MUC7: variants seen among roughly 807,000 people sequenced by gnomAD.
MUC7 encodes mucin 7, secreted, also known as mucin-7.
MUC7 carries 2 observed loss-of-function variants against 2.5 expected under a neutral mutation model. That is an observed-to-expected ratio of 0.81 (90% CI 0.33 to 2.55). The LOEUF (loss-of-function observed/expected upper bound fraction) is 2.55. Among genes scored for constraint, MUC7 ranks in the 30% most tolerant of loss-of-function variants. The pLI is 0.11. For missense variants in MUC7, 408 were observed against 455.6 expected (o/e 0.90, Z 0.95); for synonymous variants, 133 against 173.4 (o/e 0.77, Z 1.83).
chr4:70,461,747 T>C (rs1294088990), intron 1 of MUC7, among the ~76,000 whole-genome samples: 1 of 151,790 alleles, frequency 6.6e-6, no homozygotes, highest in East Asian at 1.9e-4. Flanking sequence ...GATTTGTAGA[T>C]TAGATTAGGT....
At chr4:70,462,070 C>G (rs114473487) in intron 1 of MUC7, among the ~76,000 whole-genome samples, 19 of 152,084 alleles carry the variant, frequency 1.2e-4, no homozygotes, top group African/African-American at 4.6e-4. Context: ...AAAAAGTAGC[C>G]ACTCAGGTGG....
At chr4:70,434,014 TG>T (rs1424808435) in intron 1 of MUC7, among the ~76,000 whole-genome samples, 2 of 152,346 alleles carry the variant, frequency 1.3e-5, no homozygotes, top group East Asian at 3.9e-4. Context: ...TCTGTTTACA[TG>T]ATGGATTACG....
chr4:70,466,665 C>T (rs1734692043), intron 1 of MUC7, among the ~76,000 whole-genome samples: 1 of 151,476 alleles, frequency 6.6e-6, no homozygotes, highest in South Asian at 2.1e-4. Context: ...AAGACAACAG[C>T]ATTACATAAT....
intron 1 of MUC7, among the ~76,000 whole-genome samples, chr4:70,448,712 T>C (rs959284072): frequency 2.0e-5 from 3 of 152,206 alleles, no homozygotes; most frequent in African/African-American, 7.2e-5. Context: ...TTTTCTCCCA[T>C]TCTGTGGGTT....
At chr4:70,470,637 C>A (rs1183795192), upstream of MUC7, among the ~76,000 whole-genome samples, 1 of 151,900 alleles carries the variant, frequency 6.6e-6, no homozygotes, top group Non-Finnish European at 1.5e-5. Flanking sequence ...TGGGTAATAG[C>A]AAGGTGATAT....
In MUC7 at chr4:70,482,609, A is replaced by AT. The variant is rs1219652094; in HGVS notation, c.*732dup. 6.6e-6 allele frequency: 1 copy of AT among 152,214 alleles called. No individual in the cohort carries two copies. The highest frequency in any genetic ancestry group is 1.5e-5 in the Non-Finnish European group (1 of 68,054). 9.4% of individuals were successfully genotyped at this position (152,214 alleles called of 1,614,324 possible). On this transcript the variant is annotated 3_prime_UTR_variant, in exon 3 of 3. Coordinates refer to ENST00000304887, the MANE Select transcript of MUC7 (RefSeq NM_152291.3). ...TTGTGTCTAAGTTAATTTCGATCTA[A>AT]TGTACCTGATTCTAGCCTCTGTGAA...
At chr4:70,442,272 T>C (rs914953266) in intron 1 of MUC7, among the ~76,000 whole-genome samples, 18 of 152,206 alleles carry the variant, frequency 1.2e-4, no homozygotes, top group African/African-American at 3.6e-4. Context: ...GTAATACAAG[T>C]GTATTGTAGA....
chr4:70,468,946 C>A (rs1423828956), upstream of MUC7, among the ~76,000 whole-genome samples: 2 of 152,056 alleles, frequency 1.3e-5, no homozygotes, highest in African/African-American at 2.4e-5. Flanking sequence ...CCCGTATAGC[C>A]AAGACAATCA....
chr4:70,476,920 G>A (rs1446844533), intron 2 of MUC7, among the ~76,000 whole-genome samples: 3 of 152,216 alleles, frequency 2.0e-5, no homozygotes, highest in Admixed American at 1.3e-4. Flanking sequence ...AGATAGTCTG[G>A]CTTCTCTCTT....
At chr4:70,436,210 C>G (rs939061725) in intron 1 of MUC7, among the ~76,000 whole-genome samples, 2 of 152,098 alleles carry the variant, frequency 1.3e-5, no homozygotes, top group Admixed American at 6.6e-5. Context: ...GAGTATCTTT[C>G]TGGTGTTCTC....
intron 1 of MUC7, among the ~76,000 whole-genome samples, chr4:70,462,142 G>T (rs1413315940): frequency 1.3e-5 from 2 of 151,804 alleles, no homozygotes; most frequent in East Asian, 3.9e-4. Flanking sequence ...GAGCCCAAAG[G>T]TCAAGACTGC....
At chr4:70,451,489 G>A (rs1734279648) in intron 1 of MUC7, among the ~76,000 whole-genome samples, 1 of 152,106 alleles carries the variant, frequency 6.6e-6, no homozygotes, top group Non-Finnish European at 1.5e-5. Context: ...CTTGTTGGGG[G>A]GTTATGATCA....
rs372944711 is a variant in MUC7, at chr4:70,481,143, C to G, written c.399C>G (p.Pro133=). 4.3e-6 allele frequency: 7 copies of G among 1,614,066 alleles called. No homozygotes were observed. The African/African-American group carries it at 9.3e-5, about 22-fold the overall frequency. Residue 133 remains proline, a synonymous_variant, in exon 3 of 3, where the codon CCC becomes CCG. Coordinates refer to ENST00000304887, the MANE Select transcript of MUC7 (RefSeq NM_152291.3). ...ITTLPNVTFL[P]QNATTISSRE... ...CCCTTCCAAATGTGACTTTTCTTCC[C>G]CAGAATGCCACCACCATATCTTCAA...
chr4:70,443,623 G>A lies in MUC7; in HGVS notation c.-93+12936G>A, dbSNP rs145824708. Among the ~76,000 whole-genome samples the A allele has an allele frequency of 6.7e-3, 1,012 of 152,152 alleles. 9 individuals are homozygous for A. The highest frequency in any genetic ancestry group is 0.01 in the Middle Eastern group (3 of 294). On this transcript the variant is annotated intron_variant, in intron 1 of 3. Transcript: ENST00000413702. ...TAAAACTTAATATTAGTGCAAATCC[G>A]GGAAAAAGATCAAGACAAACAAAAA...
chr4:70,451,125 C>G (rs575854317), intron 1 of MUC7, among the ~76,000 whole-genome samples: 1 of 152,300 alleles, frequency 6.6e-6, no homozygotes, highest in Admixed American at 6.5e-5. Context: ...AAGTTCAGAC[C>G]ACTAGGACTG....
At chr4:70,463,815 G>A (rs1734615580) in intron 1 of MUC7, among the ~76,000 whole-genome samples, 1 of 152,206 alleles carries the variant, frequency 6.6e-6, no homozygotes, top group Non-Finnish European at 1.5e-5. Context: ...CTATGAATTA[G>A]ACTGTGTCCT....
At chr4:70,431,257 C>CA (rs1553917392) in intron 1 of MUC7, among the ~76,000 whole-genome samples, 1 of 151,708 alleles carries the variant, frequency 6.6e-6, no homozygotes, top group Non-Finnish European at 1.5e-5. Context: ...ATTGTATTTA[C>CA]TTTTTTTTCA....
At chr4:70,442,821 T>C (rs1409781325) in intron 1 of MUC7, among the ~76,000 whole-genome samples, 8 of 152,220 alleles carry the variant, frequency 5.3e-5, no homozygotes, top group Non-Finnish European at 1.2e-4. Flanking sequence ...AGCCAAAAAC[T>C]AGACTATTAC....
chr4:70,464,244 C>G (rs933913495), intron 1 of MUC7, among the ~76,000 whole-genome samples: 1 of 152,190 alleles, frequency 6.6e-6, no homozygotes, highest in South Asian at 2.1e-4. Context: ...CCACCATCTT[C>G]ACAACCAGCA....
Sources: gnomAD v4.1 joint callset for allele counts (sites outside exome capture counted in the v4.1 genomes callset) on GRCh38, gnomAD v4.1.1 for gene constraint, MANE v1.5 for transcripts, NCBI Gene and HGNC (gene_info 2026-07-23, HGNC 2026-07-21) for gene names.